MAN1A2: variants seen among roughly 807,000 people sequenced by gnomAD.
MAN1A2 encodes mannosyl-oligosaccharide 1,2-alpha-mannosidase IB.
Under a neutral mutation model 75.7 loss-of-function variants are expected in MAN1A2, and 26 were observed. The ratio of observed to expected loss-of-function variants is 0.34; its 90% CI spans 0.25 to 0.48. MAN1A2 has a LOEUF of 0.48. Among genes scored for constraint, MAN1A2 ranks in the 20% least tolerant of loss-of-function variants. The pLI, the probability that MAN1A2 is intolerant of heterozygous loss-of-function variation, is 0.99. For missense variants in MAN1A2, 562 were observed against 775.5 expected (o/e 0.72, Z 3.27); for synonymous variants, 247 against 264.6 (o/e 0.93, Z 0.65).
At position 117,368,058 on chromosome 1, in the gene MAN1A2, C is replaced by T. The variant is rs1300422608; in HGVS notation, c.-126C>T. 24 of 890,848 alleles carry T rather than the reference C, an allele frequency of 2.7e-5. No homozygotes were observed. The highest frequency in any genetic ancestry group is 3.8e-5 in the Non-Finnish European group (22 of 583,216). 55.2% of individuals were successfully genotyped at this position (890,848 alleles called of 1,614,324 possible). The stretch of plus-strand genomic sequence containing the variant: ...TGACGTGCCCTCTTAAAAAGCACAA[C>T]AGTCCTTTAAGAGGAGCAAAATTGA... On this transcript the variant is annotated 5_prime_UTR_variant, in exon 1 of 13. Transcript: ENST00000356554.
intron 8 of MAN1A2, among the ~76,000 whole-genome samples, chr1:117,482,639 A>G (rs749970954): frequency 4.6e-5 from 7 of 152,052 alleles, no homozygotes; most frequent in Non-Finnish European, 1.0e-4. Flanking sequence ...TCTGGATATT[A>G]GCCGCTTGTC....
At chr1:117,395,161 G>T (rs758156768) in intron 1 of MAN1A2, among the ~76,000 whole-genome samples, 3 of 152,176 alleles carry the variant, frequency 2.0e-5, no homozygotes, top group Non-Finnish European at 2.9e-5. Context: ...GCAGGATCAT[G>T]GGTCTAGCCA....
intron 5 of MAN1A2, among the ~76,000 whole-genome samples, chr1:117,434,166 A>C (rs941293689): frequency 1.3e-5 from 2 of 152,178 alleles, no homozygotes; most frequent in Admixed American, 6.5e-5. Flanking sequence ...CAGTATTGTG[A>C]AACTATTTAT....
At chr1:117,520,347 G>A (rs1007727863) in intron 12 of MAN1A2, among the ~76,000 whole-genome samples, 1 of 151,804 alleles carries the variant, frequency 6.6e-6, no homozygotes, top group African/African-American at 2.4e-5. Flanking sequence ...GAAAGAAAGG[G>A]CATCCAAATT....
chr1:117,463,913 A>G (rs1415164722), intron 7 of MAN1A2, among the ~76,000 whole-genome samples: 1 of 152,218 alleles, frequency 6.6e-6, no homozygotes, highest in African/African-American at 2.4e-5. Context: ...TAAAAACTGA[A>G]TTACTTACAT....
At chr1:117,512,774 C>T (rs1651579343) in intron 12 of MAN1A2, among the ~76,000 whole-genome samples, 1 of 151,696 alleles carries the variant, frequency 6.6e-6, no homozygotes, top group Non-Finnish European at 1.5e-5. Context: ...CACACACACA[C>T]ACACACACAC....
intron 12 of MAN1A2, among the ~76,000 whole-genome samples, chr1:117,521,595 A>G (rs938624390): frequency 1.3e-4 from 20 of 151,996 alleles, no homozygotes; most frequent in African/African-American, 4.3e-4. Context: ...AACTTACACA[A>G]CCACTATGGA....
intron 11 of MAN1A2, among the ~76,000 whole-genome samples, chr1:117,500,823 T>A (rs1651177326): frequency 6.6e-6 from 1 of 151,728 alleles, no homozygotes; most frequent in African/African-American, 2.4e-5. Context: ...GCCACAGTGG[T>A]TTGGGAATAG....
In MAN1A2 at chr1:117,502,910, A is replaced by G; in HGVS notation, c.1733A>G (p.Tyr578Cys). ...NGGFSGVKDV[Y>C]SSTPTHDDVQ... ...GGGTTTTCTGGAGTCAAAGATGTAT[A>G]TTCCTCTACTCCTACACATGATGAT... Residue 578 changes from tyrosine to cysteine, a missense_variant, in exon 12 of 13, where the codon TAT (tyrosine) becomes TGT (cysteine). Physicochemically the swap from Tyr to Cys is radical, Grantham distance 194. This residue lies in a region of MAN1A2 where 434 missense variants were observed against 645.7 expected (regional missense o/e 0.67). Coordinates refer to ENST00000356554, the MANE Select transcript of MAN1A2 (RefSeq NM_006699.5). 3 of 1,608,630 alleles carry G rather than the reference A, an allele frequency of 1.9e-6. No homozygotes were observed. In the South Asian group the frequency reaches 3.3e-5, roughly 18 times the overall value.
chr1:117,509,326 C>G (rs2101887878), intron 12 of MAN1A2, among the ~76,000 whole-genome samples: 1 of 151,906 alleles, frequency 6.6e-6, no homozygotes, highest in East Asian at 1.9e-4. Context: ...AGATCAGATG[C>G]TATGTTTTAT....
chr1:117,483,641 T>C (rs981910098), intron 8 of MAN1A2, among the ~76,000 whole-genome samples: 3 of 152,138 alleles, frequency 2.0e-5, no homozygotes, highest in African/African-American at 7.2e-5. Context: ...GATTTTGGGC[T>C]GAGACGATGG....
intron 6 of MAN1A2, among the ~76,000 whole-genome samples, chr1:117,448,828 G>A (rs776599049): frequency 2.0e-5 from 3 of 152,086 alleles, no homozygotes; most frequent in Non-Finnish European, 4.4e-5. Flanking sequence ...TTGTTTTATT[G>A]TGCTTCACTT....
At chr1:117,410,632 A>G (rs1004150993) in intron 3 of MAN1A2, among the ~76,000 whole-genome samples, 4 of 151,716 alleles carry the variant, frequency 2.6e-5, no homozygotes, top group African/African-American at 9.7e-5. Flanking sequence ...AGAAAAAAAA[A>G]AAAGAATAAA....
intron 5 of MAN1A2, among the ~76,000 whole-genome samples, chr1:117,435,823 C>A (rs949471183): frequency 6.6e-6 from 1 of 152,046 alleles, no homozygotes; most frequent in African/African-American, 2.4e-5. Context: ...TTTGGGAGGC[C>A]GAGGCGGGCG....
At chr1:117,453,016 C>T (rs1649472686) in intron 6 of MAN1A2, among the ~76,000 whole-genome samples, 2 of 152,162 alleles carry the variant, frequency 1.3e-5, no homozygotes, top group Non-Finnish European at 2.9e-5. Flanking sequence ...TGTCTACTCC[C>T]TGTGTGGTCT....
chr1:117,425,077 AGAGGGGGAAGGGAAGAAAAG>A (rs759566128), intron 5 of MAN1A2, among the ~76,000 whole-genome samples: 1 of 141,160 alleles, frequency 7.1e-6, no homozygotes, highest in Non-Finnish European at 1.5e-5. Context: ...ACAAAACAGG[AGAGGGGGAAGGGAAGAAAAG>A]GAGGGGGAAG....
intron 5 of MAN1A2, among the ~76,000 whole-genome samples, chr1:117,424,934 A>C (rs1648315759): frequency 6.6e-6 from 1 of 152,150 alleles, no homozygotes; most frequent in African/African-American, 2.4e-5. Flanking sequence ...CTAACACTGA[A>C]ATGTGGTAGG....
intron 8 of MAN1A2, among the ~76,000 whole-genome samples, chr1:117,472,176 T>C (rs536502859): frequency 1.6e-4 from 25 of 152,136 alleles, no homozygotes; most frequent in African/African-American, 5.8e-4. Context: ...TTTTTCCGTT[T>C]GGAATACCTT....
Position 117,527,257 on chromosome 1 carries a change from CGAAAACA to C in MAN1A2, c.*4303_*4309del, listed in dbSNP as rs1652055884. 1 of 151,604 alleles carries C rather than the reference CGAAAACA, an allele frequency of 6.6e-6. No homozygotes were observed. Among genetic ancestry groups the C allele is most frequent in the Non-Finnish European group, 1.5e-5 (1 of 67,816 alleles). The allele number at this position is 151,604 out of a possible 1,614,324, so 9.4% of individuals were successfully genotyped here. ...TTACTCATTTCTGCTGTTGAAGTAT[CGAAAACA>C]GATAGAGATACTATGTAAAGAATGG... On this transcript the variant is annotated 3_prime_UTR_variant, in exon 13 of 13. Coordinates refer to ENST00000356554, the MANE Select transcript of MAN1A2 (RefSeq NM_006699.5).
Sources: allele counts gnomAD v4.1 joint callset (sites outside exome capture counted in the v4.1 genomes callset), GRCh38; gene constraint gnomAD v4.1.1; regional missense constraint gnomAD v4.1.1; transcripts MANE v1.5; gene names NCBI Gene and HGNC (gene_info 2026-07-23, HGNC 2026-07-21).